The following OR10H3 variants were observed in gnomAD, a reference collection of about 807,000 sequenced individuals.
The protein encoded by OR10H3 is olfactory receptor 10H3.
A neutral mutation model predicts 11.1 loss-of-function variants in OR10H3; 15 were observed. The observed-to-expected ratio is 1.36, with a 90% CI of 0.91 to 2.09. The LOEUF (loss-of-function observed/expected upper bound fraction) is 2.09. Ranked by LOEUF, OR10H3 falls within the 30% of genes most tolerant of loss-of-function variation. The probability of loss-of-function intolerance (pLI) is 0.00; values close to 1 mark genes in which losing one functional copy is unlikely to be tolerated. For missense variants in OR10H3, 403 were observed against 391.5 expected (o/e 1.03, Z -0.25); for synonymous variants, 149 against 142.1 (o/e 1.05, Z -0.35).
In OR10H3 at chr19:15,741,666, T is replaced by C; in HGVS notation, c.274T>C (p.Ser92Pro). 2 of 1,614,236 alleles carry C rather than the reference T, an allele frequency of 1.2e-6. No homozygotes were observed. Among genetic ancestry groups the C allele is most frequent in the Middle Eastern group, 1.6e-4 (1 of 6,062 alleles). The change falls in exon 2 of 2, where the codon TCC (serine) becomes CCC (proline). Residue 92 changes from serine (S) to proline (P), a missense_variant. Coordinates refer to ENST00000641646, the MANE Select transcript of OR10H3 (RefSeq NM_013938.2). ...MLADLLFTHR[S>P]ITFVACAIQM... ...GGCTGATCTGCTCTTCACCCATCGT[T>C]CCATCACCTTTGTGGCTTGTGCCAT... is the stretch of plus-strand genomic sequence containing the variant.
Position 15,741,499 on chromosome 19 carries a change from T to C in OR10H3, c.107T>C (p.Phe36Ser), listed in dbSNP as rs116203936. The C allele has an allele frequency of 1.9e-4, 312 of 1,614,202 alleles. 2 individuals are homozygous for C. The East Asian group carries it at 3.1e-3, about 16-fold the overall frequency. The change falls in exon 2 of 2, where the codon TTC becomes TCC. Residue 36 changes from phenylalanine (F) to serine (S), a missense_variant. Transcript: ENST00000641646. ...TTGTTCCTGCTGTACCTCCTGATGT[T>C]CCTGTTCACATTGCTTGGCAACCTT... is the stretch of plus-strand genomic sequence containing the variant. ...PVLFLLYLLM[F>S]LFTLLGNLLI...
intron 1 of OR10H3, among the ~76,000 whole-genome samples, chr19:15,739,323 C>A (rs957233268): frequency 3.9e-5 from 6 of 151,998 alleles, no homozygotes; most frequent in African/African-American, 1.5e-4. Context: ...TAGCTAATGT[C>A]TGGATATTAT....
chr19:15,741,081 A>C (rs776950556), intron 1 of OR10H3, among the ~76,000 whole-genome samples: 1 of 152,208 alleles, frequency 6.6e-6, no homozygotes, highest in Non-Finnish European at 1.5e-5. Flanking sequence ...CTGATCATCC[A>C]TGCCTGTCTC....
In OR10H3 at chr19:15,742,130, C is replaced by A; in HGVS notation, c.738C>A (p.His246Gln). The A allele has an allele frequency of 6.2e-7, 1 of 1,614,160 alleles. No individual in the cohort carries two copies. Among genetic ancestry groups the A allele is most frequent in the Non-Finnish European group, 8.5e-7 (1 of 1,180,032 alleles). Residue 246 changes from histidine (H) to glutamine (Q), a missense_variant, in exon 2 of 2, where the codon CAC becomes CAA. Physicochemically the swap from His to Gln is conservative, Grantham distance 24. Transcript: ENST00000641646. ...RHKTFSTCVS[H>Q]LTVVVMHYSF... ...AGACTTTCTCCACTTGTGTATCCCACCTCACTGTGGTGGTCATGCACTATA... is the reference window on the plus strand; with the variant it reads ...AGACTTTCTCCACTTGTGTATCCCAACTCACTGTGGTGGTCATGCACTATA...
In OR10H3 at chr19:15,741,914, G is replaced by A. The variant is rs1234858974; in HGVS notation, c.522G>A (p.Val174=). The A allele has an allele frequency of 1.9e-6, 3 of 1,614,198 alleles. No individual in the cohort carries two copies. The highest frequency in any genetic ancestry group is 2.5e-6 in the Non-Finnish European group (3 of 1,180,044). Residue 174 remains valine, a synonymous_variant, in exon 2 of 2, where the codon GTG becomes GTA. Transcript: ENST00000641646. The part of the protein sequence containing the change: ...VFHLTFCGSN[V]IHHFLCHVLS... Reference sequence around the variant, plus strand: ...ACCTCACTTTCTGTGGGTCTAATGTGATCCACCATTTTCTCTGTCATGTGC... The same window carrying A: ...ACCTCACTTTCTGTGGGTCTAATGTAATCCACCATTTTCTCTGTCATGTGC...
At chr19:15,739,589 G>C (rs998608867) in intron 1 of OR10H3, among the ~76,000 whole-genome samples, 3 of 152,142 alleles carry the variant, frequency 2.0e-5, no homozygotes, top group Non-Finnish European at 2.9e-5. Flanking sequence ...TATTAGGGAG[G>C]CTGAGGCAGG....
chr19:15,738,040 A>G lies in OR10H3; in HGVS notation c.-23A>G, dbSNP rs558150771. ...ACGAATTTCAGCTCCATGTTAAAGA[A>G]CAGCGGAATTAGTGAGTATCCTTGG... On this transcript the variant is annotated 5_prime_UTR_variant, in exon 1 of 2. Coordinates refer to ENST00000641646, the MANE Select transcript of OR10H3 (RefSeq NM_013938.2). 1 of 152,982 alleles carries G rather than the reference A, an allele frequency of 6.5e-6. No homozygotes were observed. Among genetic ancestry groups the G allele is most frequent in the South Asian group, 1.8e-4 (1 of 5,452 alleles). 9.5% of individuals were successfully genotyped at this position (152,982 alleles called of 1,614,324 possible). A position where few individuals can be genotyped will look rare whatever the true frequency, so the allele number is the denominator to read the frequency against.
rs762544106 is a variant in OR10H3 at position 15,741,651 on chromosome 19, C to A, written c.259C>A (p.Leu87Ile). Residue 87 changes from leucine (L) to isoleucine (I), a missense_variant, in exon 2 of 2, where the codon CTC (leucine) becomes ATC (isoleucine). Leu to Ile is a conservative substitution (Grantham distance 5). Transcript: ENST00000641646. ...CACCCCTCGCATGCTGGCTGATCTG[C>A]TCTTCACCCATCGTTCCATCACCTT... The part of the protein sequence containing the change: ...AITPRMLADL[L>I]FTHRSITFVA... 3.7e-6 allele frequency: 6 copies of A among 1,614,116 alleles called. No individual in the cohort carries two copies. The African/African-American group carries it at 6.7e-5, about 18-fold the overall frequency.
In OR10H3 at chr19:15,741,489, C is replaced by T. The variant is rs867823406; in HGVS notation, c.97C>T (p.Leu33Phe). Residue 33 changes from leucine (L) to phenylalanine (F), a missense_variant, in exon 2 of 2, where the codon CTC (leucine) becomes TTC (phenylalanine). Leu to Phe is a conservative substitution (Grantham distance 22). Coordinates refer to ENST00000641646, the MANE Select transcript of OR10H3 (RefSeq NM_013938.2). The part of the protein sequence containing the change: ...QLLPVLFLLY[L>F]LMFLFTLLGN... ...CCTGCCTGTCTTGTTCCTGCTGTAC[C>T]TCCTGATGTTCCTGTTCACATTGCT... The T allele has an allele frequency of 3.1e-6, 5 of 1,614,210 alleles. No homozygotes were observed. Among genetic ancestry groups the T allele is most frequent in the Non-Finnish European group, 3.4e-6 (4 of 1,180,036 alleles).
In OR10H3 at chr19:15,740,603, G is replaced by C. The variant is rs2008686643; in HGVS notation, c.-11-779G>C. Among the ~76,000 whole-genome samples the C allele has an allele frequency of 2.0e-5, 3 of 152,046 alleles. No homozygotes were observed. In the South Asian group the frequency reaches 6.2e-4, roughly 31 times the overall value. ...GACTAGTGGGCATCTTTTCAATCTG[G>C]TACCTGCAGGCTTTTAATATTATCC... On this transcript the variant is annotated intron_variant, in intron 1 of 1. Coordinates refer to ENST00000641646, the MANE Select transcript of OR10H3 (RefSeq NM_013938.2).
rs1391487711 is a variant in OR10H3 at position 15,741,998 on chromosome 19, G to A, written c.606G>A (p.Met202Ile). 1.2e-6 allele frequency: 2 copies of A among 1,614,174 alleles called. No individual in the cohort carries two copies. The highest frequency in any genetic ancestry group is 1.7e-6 in the Non-Finnish European group (2 of 1,180,026). The stretch of plus-strand genomic sequence containing the variant: ...CATCATCTGTCATCATGGGTGTGAT[G>A]CTGGTGTGTGTCACAGCCCTGATAG... ...SKTSSVIMGV[M>I]LVCVTALIGC... Residue 202 changes from methionine to isoleucine, a missense_variant, in exon 2 of 2, where the codon ATG becomes ATA. Met to Ile is a conservative substitution (Grantham distance 10). Coordinates refer to ENST00000641646, the MANE Select transcript of OR10H3 (RefSeq NM_013938.2).
chr19:15,740,333 A>T (rs10518249), intron 1 of OR10H3, among the ~76,000 whole-genome samples: 5 of 151,966 alleles, frequency 3.3e-5, no homozygotes, highest in Non-Finnish European at 7.4e-5. Flanking sequence ...TCATACTGTA[A>T]TCAAAATGTT....
chr19:15,739,431 C>T (rs986465366), intron 1 of OR10H3, among the ~76,000 whole-genome samples: 1 of 152,134 alleles, frequency 6.6e-6, no homozygotes, highest in East Asian at 1.9e-4. Context: ...TGGCTCACAC[C>T]TGTAATCCCA....
chr19:15,739,298 G>A (rs1309085148), intron 1 of OR10H3, among the ~76,000 whole-genome samples: 1 of 152,046 alleles, frequency 6.6e-6, no homozygotes, highest in Non-Finnish European at 1.5e-5. Flanking sequence ...TTGGTGAAGA[G>A]TCTAATATAT....
intron 1 of OR10H3, among the ~76,000 whole-genome samples, chr19:15,738,464 T>C (rs529381075): frequency 6.6e-6 from 1 of 152,246 alleles, no homozygotes; most frequent in South Asian, 2.1e-4. Context: ...TCTCTTTTTC[T>C]CGGTGAAGAT....
chr19:15,738,584 G>GA (rs1173659334), intron 1 of OR10H3, among the ~76,000 whole-genome samples: 1 of 144,152 alleles, frequency 6.9e-6, no homozygotes, highest in Non-Finnish European at 1.5e-5. Context: ...CTAACCAACT[G>GA]TTTTTTTTTT....
At chr19:15,740,943 T>C (rs1021907883) in intron 1 of OR10H3, among the ~76,000 whole-genome samples, 4 of 152,166 alleles carry the variant, frequency 2.6e-5, no homozygotes, top group Non-Finnish European at 4.4e-5. Context: ...AATAAATGAG[T>C]ATTAAAATAA....
chr19:15,739,257 C>T (rs2008671615), intron 1 of OR10H3, among the ~76,000 whole-genome samples: 1 of 151,976 alleles, frequency 6.6e-6, no homozygotes, highest in African/African-American at 2.4e-5. Context: ...GTAAAAGTCG[C>T]TGAGTGGTTG....
chr19:15,738,584 GT>G (rs35160012), intron 1 of OR10H3, among the ~76,000 whole-genome samples: 34,506 of 144,100 alleles, frequency 0.24, 4,428 homozygotes, highest in Middle Eastern at 0.34. Flanking sequence ...CTAACCAACT[GT>G]TTTTTTTTTT....
Sources: gnomAD v4.1 joint callset for allele counts (sites outside exome capture counted in the v4.1 genomes callset) on GRCh38, gnomAD v4.1.1 for gene constraint, MANE v1.5 for transcripts, NCBI Gene and HGNC (gene_info 2026-07-23, HGNC 2026-07-21) for gene names.